Variants in PARVG observed in about 807,000 individuals in gnomAD.
PARVG encodes gamma-parvin.
In PARVG, 36 loss-of-function variants were observed where a neutral mutation model predicts 44.4. The observed-to-expected ratio is 0.81, with a 90% CI of 0.62 to 1.07. The LOEUF is 1.07. PARVG is among the 50% of genes least tolerant of loss of function. The probability of loss-of-function intolerance (pLI) is 0.00; values close to 1 mark genes in which losing one functional copy is unlikely to be tolerated. For missense variants in PARVG, 407 were observed against 407.4 expected (o/e 1.00, Z 0.01); for synonymous variants, 170 against 174.1 (o/e 0.98, Z 0.19).
intron 12 of PARVG, among the ~76,000 whole-genome samples, chr22:44,205,135 C>G (rs2054762260): frequency 6.6e-6 from 1 of 152,192 alleles, no homozygotes; most frequent in South Asian, 2.1e-4. Context: ...GCACCCCAGG[C>G]AAGGGGTGGC....
chr22:44,191,482 C>T (rs1274443875), intron 7 of PARVG, among the ~76,000 whole-genome samples: 1 of 127,400 alleles, frequency 7.8e-6, no homozygotes, highest in South Asian at 2.6e-4. Flanking sequence ...ACTGCAACTT[C>T]TGCCTCTCCA....
At chr22:44,184,895 C>T (rs1322623516) in intron 3 of PARVG, 1 of 152,244 alleles carries the variant, frequency 6.6e-6, no homozygotes, top group African/African-American at 2.4e-5. Context: ...TTTTGTTTTA[C>T]AACTGATTTA....
intron 3 of PARVG, 63 bp downstream of exon 3, chr22:44,183,471 C>G (rs1311718077): frequency 1.4e-6 from 2 of 1,448,264 alleles, no homozygotes; most frequent in African/African-American, 2.9e-5. Flanking sequence ...GTGAGCCTGG[C>G]CATGCCTGGG....
intron 3 of PARVG, chr22:44,183,921 C>T (rs998029660): frequency 6.6e-6 from 2 of 303,954 alleles, no homozygotes; most frequent in Non-Finnish European, 1.2e-5. Flanking sequence ...GTGTGGGGCT[C>T]CTGACGTGCT....
intron 2 of PARVG, 33 bp from the exon 3 acceptor site, chr22:44,183,285 A>T: frequency 3.2e-6 from 5 of 1,565,388 alleles, no homozygotes; most frequent in Non-Finnish European, 4.3e-6. Context: ...GGCTTCTCAG[A>T]CCGTGACGCC....
At chr22:44,204,183 G>C (rs984091159) in intron 12 of PARVG, among the ~76,000 whole-genome samples, 7 of 151,936 alleles carry the variant, frequency 4.6e-5, no homozygotes, top group African/African-American at 1.7e-4. Flanking sequence ...GAGCGGCCCT[G>C]CTGCTGCTGC....
At chr22:44,183,942 G>A (rs1022165750) in intron 3 of PARVG, 111 of 272,972 alleles carry the variant, frequency 4.1e-4, no homozygotes, top group African/African-American at 2.2e-3. Flanking sequence ...CCCCTCACAC[G>A]TGTGGGTCCC....
chr22:44,178,346 A>G (rs1172052729), upstream of PARVG, among the ~76,000 whole-genome samples: 1 of 152,244 alleles, frequency 6.6e-6, no homozygotes, highest in African/African-American at 2.4e-5. Context: ...CTGCCTGGAC[A>G]TAATTCCTGG....
chr22:44,181,048 C>T lies in PARVG; in HGVS notation c.-326C>T. 6 of 915,228 alleles carry T rather than the reference C, an allele frequency of 6.6e-6. No homozygotes were observed. The highest frequency in any genetic ancestry group is 1.2e-4 in the East Asian group (1 of 8,472). The allele number at this position is 915,228 out of a possible 1,614,324, so 56.7% of individuals were successfully genotyped here. A position where few individuals can be genotyped will look rare whatever the true frequency, so the allele number is the denominator to read the frequency against. The stretch of plus-strand genomic sequence containing the variant: ...TCCACCTGCCACGTTCTCACCCCTT[C>T]TTCTTCCACTGCAAACTCCTATGCA... On this transcript the variant is annotated 5_prime_UTR_variant, in exon 1 of 14. Transcript: ENST00000444313.
chr22:44,206,958 G>A lies in PARVG; in HGVS notation c.*532G>A, dbSNP rs539056136. The A allele has an allele frequency of 3.3e-4, 52 of 158,742 alleles. No individual in the cohort carries two copies. Among genetic ancestry groups the A allele is most frequent in the African/African-American group, 1.2e-3 (49 of 41,566 alleles). The allele number at this position is 158,742 out of a possible 1,614,324, so 9.8% of individuals were successfully genotyped here. ...ATGCCCCCACCCACCGGGAGAAGTG[G>A]ATTCAGTGACTGTCAAAGCAACCCG... On this transcript the variant is annotated 3_prime_UTR_variant, in exon 14 of 14. Transcript: ENST00000444313.
chr22:44,203,491 G>A (rs1312542452), intron 12 of PARVG, among the ~76,000 whole-genome samples: 3 of 152,088 alleles, frequency 2.0e-5, no homozygotes, highest in Non-Finnish European at 2.9e-5. Flanking sequence ...CCCCTTTCCT[G>A]TCCATCTTAG....
At position 44,187,791 on chromosome 22, in the gene PARVG, A is replaced by G. The variant is rs2054494048; in HGVS notation, c.160A>G (p.Ile54Val). The G allele has an allele frequency of 1.9e-6, 3 of 1,614,102 alleles. No homozygotes were observed. Among genetic ancestry groups the G allele is most frequent in the Non-Finnish European group, 8.5e-7 (1 of 1,180,038 alleles). ...EELQKVLMEW[I>V]NATLLPEHIV... ...GAGCCTGCAGGTGTTGATGGAGTGG[A>G]TCAATGCCACTCTTCTCCCCGAGCA... The change falls in exon 5 of 14, where the codon ATC becomes GTC. Residue 54 changes from isoleucine (I) to valine (V), a missense_variant. Ile to Val is a conservative substitution (Grantham distance 29, BLOSUM62 3). Coordinates refer to ENST00000444313, the MANE Select transcript of PARVG (RefSeq NM_022141.7).
At chr22:44,192,006 G>A in intron 7 of PARVG, 43 bp from the exon 8 acceptor site, 1 of 1,607,320 alleles carries the variant, frequency 6.2e-7, no homozygotes, top group Non-Finnish European at 8.5e-7. Context: ...GGGCCCCAGA[G>A]TTTTCTGGAT....
intron 13 of PARVG, 61 bp from the exon 14 acceptor site, chr22:44,206,256 G>T: frequency 8.2e-7 from 1 of 1,219,176 alleles, no homozygotes; most frequent in South Asian, 1.2e-5. Context: ...TGACCACATC[G>T]GGACAGTCGG....
rs1210049619 is a variant in PARVG at position 44,187,884 on chromosome 22, T to C, written c.247+6T>C. The stretch of plus-strand genomic sequence containing the variant: ...CATCCTACACCACCTATTCCGTAAG[T>C]GGCTGTTTCTGGGGCTGCCTGGGCC... On this transcript the variant is annotated splice_donor_region_variant and intron_variant, in intron 5 of 13. Coordinates refer to ENST00000444313, the MANE Select transcript of PARVG (RefSeq NM_022141.7). 1.2e-6 allele frequency: 2 copies of C among 1,614,070 alleles called. No homozygotes were observed. Among genetic ancestry groups the C allele is most frequent in the Admixed American group, 3.3e-5 (2 of 60,032 alleles).
rs2054292111 is a variant in PARVG, at chr22:44,173,694, A to G, written c.-189+503A>G. Among the ~76,000 whole-genome samples the G allele has an allele frequency of 5.3e-5, 8 of 152,190 alleles. No individual in the cohort carries two copies. In the South Asian group the frequency reaches 1.7e-3, roughly 32 times the overall value. ...TCCAGCTGAGGGTTCTGAGGGACAA[A>G]TTCAACCTCCTTCTTTCAAAGTCAG... On this transcript the variant is annotated intron_variant, in intron 1 of 13. Coordinates refer to the PARVG transcript ENST00000422871.
At chr22:44,192,433 G>GT (rs1389862986) in intron 8 of PARVG, among the ~76,000 whole-genome samples, 2 of 152,214 alleles carry the variant, frequency 1.3e-5, no homozygotes, top group East Asian at 3.9e-4. Context: ...TTGCAAAGCT[G>GT]TAAGAGTTAG....
upstream of PARVG, among the ~76,000 whole-genome samples, chr22:44,178,845 A>G (rs1002900408): frequency 1.3e-5 from 2 of 152,196 alleles, no homozygotes; most frequent in African/African-American, 4.8e-5. Context: ...TTGAATGTGG[A>G]TGAGATATTA....
rs2147233409 is a variant in PARVG, at chr22:44,196,213, G to A, written c.642G>A (p.Glu214=). ...LAPEKVNAVK[E]AIVNFVNQKL... ...CGGAGAAAGTGAACGCAGTGAAAGA[G>A]GTAGGAGAGATCAAAGCTCTCAGCG... Residue 214 remains glutamate, a splice_region_variant and synonymous_variant, in exon 10 of 14, where the codon GAG becomes GAA. Coordinates refer to ENST00000444313, the MANE Select transcript of PARVG (RefSeq NM_022141.7). 1.9e-6 allele frequency: 3 copies of A among 1,614,194 alleles called. No individual in the cohort carries two copies. The highest frequency in any genetic ancestry group is 2.5e-6 in the Non-Finnish European group (3 of 1,180,008).
Sources: allele counts gnomAD v4.1 joint callset (sites outside exome capture counted in the v4.1 genomes callset), GRCh38; gene constraint gnomAD v4.1.1; transcripts MANE v1.5; gene names NCBI Gene and HGNC (gene_info 2026-07-23, HGNC 2026-07-21).